The following GRIK1 variants were observed in gnomAD, a reference collection of about 807,000 sequenced individuals.
GRIK1 encodes the protein glutamate ionotropic receptor kainate type subunit 1.
A neutral mutation model predicts 105.7 loss-of-function variants in GRIK1; 69 were observed. The ratio of observed to expected loss-of-function variants is 0.65; its 90% CI spans 0.54 to 0.80. GRIK1 has a LOEUF of 0.80. Ranked by LOEUF, GRIK1 falls within the 30% of genes least tolerant of loss-of-function variation. GRIK1 has a pLI of 0.00. For synonymous variants in GRIK1, 438 were observed against 431.3 expected (o/e 1.02, Z -0.19); for missense variants, 1,109 against 1,167.3 (o/e 0.95, Z 0.73).
Position 29,537,149 on chromosome 21 carries a change from C to T in GRIK1, c.*81G>A, listed in dbSNP as rs2089891617. 2 of 928,122 alleles carry T rather than the reference C, an allele frequency of 2.2e-6. No individual in the cohort carries two copies. The highest frequency in any genetic ancestry group is 3.2e-6 in the Non-Finnish European group (2 of 618,882). 57.5% of individuals were successfully genotyped at this position (928,122 alleles called of 1,614,324 possible). On this transcript the variant is annotated 3_prime_UTR_variant, in exon 18 of 18. Coordinates refer to ENST00000327783, the MANE Select transcript of GRIK1 (RefSeq NM_001330994.2). Reference sequence around the variant, plus strand: ...TTATGGATATAGATATATGGAAACACATCACACACTCCTCAGAAATCCTTT... The same window carrying T: ...TTATGGATATAGATATATGGAAACATATCACACACTCCTCAGAAATCCTTT...
Position 29,703,450 on chromosome 21 carries a change from T to TTC in GRIK1, c.119-9388_119-9387insGA, listed in dbSNP as rs397759880. Among the ~76,000 whole-genome samples the TTC allele has an allele frequency of 3.5e-5, 3 of 86,036 alleles. No homozygotes were observed. The African/African-American group carries it at 5.0e-4, about 14-fold the overall frequency. The allele number at this position is 86,036 out of a possible 152,430, so 56.4% of individuals were successfully genotyped here. On this transcript the variant is annotated intron_variant, in intron 1 of 17. Coordinates refer to ENST00000327783, the MANE Select transcript of GRIK1 (RefSeq NM_001330994.2). ...AATATACAATATTCTATAGCCTCTCTATTGCCACATCCATAATTCTAGTTG... is the reference window on the plus strand; with the variant it reads ...AATATACAATATTCTATAGCCTCTCTTCATTGCCACATCCATAATTCTAGTTG...
chr21:29,638,047 A>G (rs1402383317), intron 7 of GRIK1, among the ~76,000 whole-genome samples: 1 of 152,228 alleles, frequency 6.6e-6, no homozygotes, highest in Non-Finnish European at 1.5e-5. Flanking sequence ...GATGACACCA[A>G]TAACAGTAAT....
At chr21:29,881,512 T>C (rs2069407983) in intron 1 of GRIK1, among the ~76,000 whole-genome samples, 2 of 152,128 alleles carry the variant, frequency 1.3e-5, no homozygotes, top group African/African-American at 4.8e-5. Flanking sequence ...GTCAGATTCA[T>C]CTAACACATG....
At chr21:29,892,896 G>A (rs142227894) in intron 1 of GRIK1, among the ~76,000 whole-genome samples, 2 of 152,116 alleles carry the variant, frequency 1.3e-5, no homozygotes, top group Admixed American at 6.5e-5. Context: ...AAATTTGGCC[G>A]GACACAGTGG....
chr21:29,538,772 T>A (rs2089922626), intron 16 of GRIK1, among the ~76,000 whole-genome samples: 1 of 152,140 alleles, frequency 6.6e-6, no homozygotes. Context: ...ACTAAACATC[T>A]AGTGTGTTTC....
rs752501553 is a variant in GRIK1 at position 29,589,077 on chromosome 21, A to G, written c.1366-35T>C. Reference sequence around the variant, plus strand: ...ACAAACCAAATATGAAAACCCTGTTATAATGAAAGGAAGAGTTTACCCTAT... The same window carrying G: ...ACAAACCAAATATGAAAACCCTGTTGTAATGAAAGGAAGAGTTTACCCTAT... On this transcript the variant is annotated intron_variant, in intron 10 of 17. Transcript: ENST00000327783. 5.2e-6 allele frequency: 6 copies of G among 1,157,806 alleles called. No homozygotes were observed. In the Admixed American group the frequency reaches 7.4e-5, roughly 14 times the overall value. 71.7% of individuals were successfully genotyped at this position (1,157,806 alleles called of 1,614,324 possible). A position where few individuals can be genotyped will look rare whatever the true frequency, so the allele number is the denominator to read the frequency against.
intron 7 of GRIK1, among the ~76,000 whole-genome samples, chr21:29,640,014 C>T (rs748151344): frequency 5.9e-5 from 9 of 152,004 alleles, no homozygotes; most frequent in Non-Finnish European, 1.0e-4. Flanking sequence ...CAGAAATTAC[C>T]GCACATGCAA....
At chr21:29,579,977 A>G (rs1426201853) in intron 13 of GRIK1, among the ~76,000 whole-genome samples, 1 of 143,214 alleles carries the variant, frequency 7.0e-6, no homozygotes, top group African/African-American at 2.7e-5. Flanking sequence ...ATATATATAT[A>G]TATATGTGTG....
chr21:29,904,152 T>C (rs1419585034), intron 1 of GRIK1, among the ~76,000 whole-genome samples: 1 of 152,028 alleles, frequency 6.6e-6, no homozygotes, highest in Non-Finnish European at 1.5e-5. Flanking sequence ...AGGGTTAGCA[T>C]TAGAAGAAAT....
intron 1 of GRIK1, among the ~76,000 whole-genome samples, chr21:29,833,617 T>C (rs1461732558): frequency 6.6e-6 from 1 of 152,102 alleles, no homozygotes; most frequent in Non-Finnish European, 1.5e-5. Flanking sequence ...TAAACAAGCA[T>C]ATCTCATGAG....
chr21:29,595,033 T>C (rs1348330778), intron 9 of GRIK1, among the ~76,000 whole-genome samples: 1 of 152,214 alleles, frequency 6.6e-6, no homozygotes, highest in East Asian at 1.9e-4. Flanking sequence ...GTGGGTCGCC[T>C]GTGCTAGAAC....
chr21:29,901,759 A>C (rs2146262778), intron 1 of GRIK1, among the ~76,000 whole-genome samples: 1 of 152,334 alleles, frequency 6.6e-6, no homozygotes, highest in Non-Finnish European at 1.5e-5. Flanking sequence ...TATTCCAATC[A>C]ATAGAAAAAA....
chr21:29,776,687 G>C (rs1472226816), intron 1 of GRIK1, among the ~76,000 whole-genome samples: 3 of 152,188 alleles, frequency 2.0e-5, no homozygotes, highest in Admixed American at 6.5e-5. Context: ...CTAAAGTTTA[G>C]AAGGGGTTGT....
rs2298676 is a variant in GRIK1 at position 29,555,259 on chromosome 21, G to A, written c.2400C>T (p.Leu800=). 8.7e-5 allele frequency: 141 copies of A among 1,613,068 alleles called. 1 individual carries two copies. The East Asian group carries it at 3.1e-3, about 35-fold the overall frequency. Residue 800 remains leucine (L), a synonymous_variant, in exon 16 of 18, where the codon CTC becomes CTT. Coordinates refer to ENST00000327783, the MANE Select transcript of GRIK1 (RefSeq NM_001330994.2). The part of the protein sequence containing the change: ...RDKITIAILQ[L]QEEGKLHMMK... ...TCATATGCAGCTTCCCTTCTTCTTG[G>A]AGTTGAAGAATAGCAATAGTAATTT...
chr21:29,874,928 A>T (rs1392998118), intron 1 of GRIK1, among the ~76,000 whole-genome samples: 1 of 151,846 alleles, frequency 6.6e-6, no homozygotes, highest in African/African-American at 2.4e-5. Flanking sequence ...TTCCAAAATG[A>T]CTATTTATTA....
At chr21:29,641,692 T>G (rs1196009798) in intron 7 of GRIK1, among the ~76,000 whole-genome samples, 1 of 152,212 alleles carries the variant, frequency 6.6e-6, no homozygotes, top group Non-Finnish European at 1.5e-5. Flanking sequence ...CACCCAAGAA[T>G]GAATGTTTCC....
At chr21:29,905,077 G>A (rs1233039162) in intron 1 of GRIK1, among the ~76,000 whole-genome samples, 1 of 152,148 alleles carries the variant, frequency 6.6e-6, no homozygotes, top group African/African-American at 2.4e-5. Flanking sequence ...TAGAATCAGA[G>A]GGTCAGAGTG....
chr21:29,812,896 C>G (rs2067049476), intron 1 of GRIK1, among the ~76,000 whole-genome samples: 1 of 152,126 alleles, frequency 6.6e-6, no homozygotes, highest in Non-Finnish European at 1.5e-5. Flanking sequence ...GCATTTCATT[C>G]TTTGCAACCG....
At chr21:29,851,677 C>A (rs2068309112) in intron 1 of GRIK1, among the ~76,000 whole-genome samples, 1 of 152,168 alleles carries the variant, frequency 6.6e-6, no homozygotes, top group Non-Finnish European at 1.5e-5. Context: ...TGAGGAGATT[C>A]ATGTACAGCA....
Sources: gnomAD v4.1 joint callset for allele counts (sites outside exome capture counted in the v4.1 genomes callset) on GRCh38, gnomAD v4.1.1 for gene constraint, MANE v1.5 for transcripts, NCBI Gene and HGNC (gene_info 2026-07-23, HGNC 2026-07-21) for gene names.